SLC24A3: variants seen among roughly 807,000 people sequenced by gnomAD.
The protein encoded by SLC24A3 is solute carrier family 24 member 3, also known as sodium/potassium/calcium exchanger 3.
Under a neutral mutation model 75.8 loss-of-function variants are expected in SLC24A3, and 28 were observed. The ratio of observed to expected loss-of-function variants is 0.37; its 90% CI spans 0.27 to 0.51. The LOEUF (loss-of-function observed/expected upper bound fraction) is 0.51, where lower values mean the gene tolerates loss of function less well. SLC24A3 is among the 20% of genes least tolerant of loss of function. The pLI is 0.94. For synonymous variants in SLC24A3, 372 were observed against 334.1 expected, an observed-to-expected ratio of 1.11 and a Z score of -1.24; for missense variants, 663 against 847.8, an observed-to-expected ratio of 0.78 and a Z score of 2.71.
intron 1 of SLC24A3, among the ~76,000 whole-genome samples, chr20:19,253,075 C>A (rs1047851895): frequency 6.6e-6 from 1 of 152,182 alleles, no homozygotes; most frequent in Non-Finnish European, 1.5e-5. Flanking sequence ...CTCCTAAGTG[C>A]CCCCAGGCAA....
Position 19,646,645 on chromosome 20 carries a change from G to A in SLC24A3, c.613-7417G>A, listed in dbSNP as rs1425849641. On this transcript the variant is annotated intron_variant, in intron 6 of 16. Transcript: ENST00000328041. ...CAGCTCCATGGCATTTCACAAAGTGGGCACACGTGGTAGCCAGCACCCTGA... is the reference window on the plus strand; with the variant it reads ...CAGCTCCATGGCATTTCACAAAGTGAGCACACGTGGTAGCCAGCACCCTGA... Among the ~76,000 whole-genome samples, 2 of 152,114 alleles carry A rather than the reference G, an allele frequency of 1.3e-5. 1 individual carries two copies. Among genetic ancestry groups the A allele is most frequent in the Admixed American group, 1.3e-4 (2 of 15,274 alleles).
Position 19,697,949 on chromosome 20 carries a change from T to C in SLC24A3, c.1607-619T>C, listed in dbSNP as rs193182477. ...TAAAGAAATACCTGAGGCTGAGTAATTTATCAAAAAAGAGCTCTAACTGGC... is the reference window on the plus strand; with the variant it reads ...TAAAGAAATACCTGAGGCTGAGTAACTTATCAAAAAAGAGCTCTAACTGGC... On this transcript the variant is annotated intron_variant, in intron 14 of 16. Coordinates refer to ENST00000328041, the MANE Select transcript of SLC24A3 (RefSeq NM_020689.4). Among the ~76,000 whole-genome samples, 10 of 152,240 alleles carry C rather than the reference T, an allele frequency of 6.6e-5. No individual in the cohort carries two copies. In the East Asian group the frequency reaches 1.9e-3, roughly 29 times the overall value.
chr20:19,535,755 A>G (rs1208614843), intron 3 of SLC24A3, among the ~76,000 whole-genome samples: 1 of 152,176 alleles, frequency 6.6e-6, no homozygotes, highest in East Asian at 1.9e-4. Flanking sequence ...ATATTTATTT[A>G]GGGTACTGGG....
At chr20:19,257,038 A>G (rs1395228758) in intron 1 of SLC24A3, among the ~76,000 whole-genome samples, 17 of 152,164 alleles carry the variant, frequency 1.1e-4, no homozygotes, top group Admixed American at 1.1e-3. Context: ...TTCCAAAATT[A>G]TATTCTTCCA....
At chr20:19,310,832 T>C (rs1984439710) in intron 2 of SLC24A3, among the ~76,000 whole-genome samples, 1 of 152,238 alleles carries the variant, frequency 6.6e-6, no homozygotes, top group Non-Finnish European at 1.5e-5. Flanking sequence ...CATTCAACTT[T>C]TGGGGGAAAG....
intron 3 of SLC24A3, among the ~76,000 whole-genome samples, chr20:19,545,930 C>T (rs559946905): frequency 8.6e-5 from 13 of 151,938 alleles, no homozygotes; most frequent in East Asian, 3.9e-4. Flanking sequence ...GAGGCCGAGG[C>T]GGGTGGATCA....
intron 6 of SLC24A3, among the ~76,000 whole-genome samples, chr20:19,636,945 G>A (rs1036630544): frequency 4.6e-5 from 7 of 152,096 alleles, no homozygotes; most frequent in Non-Finnish European, 8.8e-5. Flanking sequence ...CATAAAACAA[G>A]AACAAGCCGC....
At chr20:19,250,495 T>G (rs965038436) in intron 1 of SLC24A3, among the ~76,000 whole-genome samples, 4 of 152,232 alleles carry the variant, frequency 2.6e-5, no homozygotes, top group African/African-American at 9.6e-5. Flanking sequence ...TCTTCTTTCT[T>G]CAGTGTTTTT....
intron 4 of SLC24A3, among the ~76,000 whole-genome samples, chr20:19,583,620 A>G (rs1049445494): frequency 6.6e-6 from 1 of 152,190 alleles, no homozygotes; most frequent in Non-Finnish European, 1.5e-5. Flanking sequence ...AACGGACATG[A>G]ACCCAAGGTT....
At chr20:19,595,217 T>C (rs2031436571) in intron 6 of SLC24A3, among the ~76,000 whole-genome samples, 1 of 152,170 alleles carries the variant, frequency 6.6e-6, no homozygotes. Flanking sequence ...ACATCACGCA[T>C]TTTTTCTGCT....
intron 6 of SLC24A3, among the ~76,000 whole-genome samples, chr20:19,652,282 G>A (rs1371665395): frequency 1.3e-5 from 2 of 152,144 alleles, no homozygotes; most frequent in Non-Finnish European, 2.9e-5. Flanking sequence ...ATCTGTCGTC[G>A]TTAACTAAAA....
chr20:19,684,750 A>T (rs2032654316), intron 11 of SLC24A3, among the ~76,000 whole-genome samples: 1 of 152,178 alleles, frequency 6.6e-6, no homozygotes, highest in Admixed American at 6.5e-5. Context: ...GATACACTAG[A>T]CCAAACACAG....
At chr20:19,614,430 G>A (rs567631567) in intron 6 of SLC24A3, among the ~76,000 whole-genome samples, 1 of 152,310 alleles carries the variant, frequency 6.6e-6, no homozygotes, top group Admixed American at 6.5e-5. Context: ...GCAGGGCTGG[G>A]CCCCAGCCCA....
At chr20:19,559,000 TG>T (rs1409565376) in intron 3 of SLC24A3, among the ~76,000 whole-genome samples, 1 of 152,218 alleles carries the variant, frequency 6.6e-6, no homozygotes, top group Non-Finnish European at 1.5e-5. Flanking sequence ...GGTAAATACC[TG>T]GGAGTGCCAT....
chr20:19,237,215 T>A (rs1271957835), intron 1 of SLC24A3, among the ~76,000 whole-genome samples: 1 of 152,106 alleles, frequency 6.6e-6, no homozygotes, highest in African/African-American at 2.4e-5. Context: ...CCTTCTGCCA[T>A]GGAAAGAGAA....
intron 6 of SLC24A3, among the ~76,000 whole-genome samples, chr20:19,600,574 T>A (rs965441258): frequency 2.0e-5 from 3 of 152,240 alleles, no homozygotes; most frequent in Non-Finnish European, 4.4e-5. Flanking sequence ...ATTCTGGCCT[T>A]GGGCAGAGAG....
chr20:19,315,589 C>T (rs1053152917), intron 2 of SLC24A3, among the ~76,000 whole-genome samples: 10 of 152,114 alleles, frequency 6.6e-5, no homozygotes, highest in Non-Finnish European at 1.3e-4. Context: ...GATGTCCCTC[C>T]CTCCTGGTTG....
intron 2 of SLC24A3, among the ~76,000 whole-genome samples, chr20:19,513,743 A>AAAC (rs2029930092): frequency 6.6e-6 from 1 of 151,934 alleles, no homozygotes; most frequent in African/African-American, 2.4e-5. Context: ...TTTTAGAAAA[A>AAAC]AAAAAAAAGC....
At chr20:19,653,309 C>T (rs1021087460) in intron 6 of SLC24A3, among the ~76,000 whole-genome samples, 10 of 152,216 alleles carry the variant, frequency 6.6e-5, no homozygotes, top group African/African-American at 1.9e-4. Context: ...CTATCAGCTT[C>T]GTGTCAGCAG....
Sources: allele counts gnomAD v4.1 joint callset (sites outside exome capture counted in the v4.1 genomes callset), GRCh38; gene constraint gnomAD v4.1.1; transcripts MANE v1.5; gene names NCBI Gene and HGNC (gene_info 2026-07-23, HGNC 2026-07-21).